BANF2: variants seen among roughly 807,000 people sequenced by gnomAD.
The protein encoded by BANF2 is barrier-to-autointegration factor-like protein.
BANF2 carries 4 observed loss-of-function variants against 8.0 expected under a neutral mutation model. The observed-to-expected ratio is 0.50, with a 90% confidence interval of 0.25 to 1.14. The LOEUF (loss-of-function observed/expected upper bound fraction) is 1.14. Among genes scored for constraint, BANF2 ranks in the 50% most tolerant of loss-of-function variants. BANF2 has a pLI of 0.16. For missense variants in BANF2, 96 were observed against 107.5 expected (o/e 0.89, Z 0.47); for synonymous variants, 50 against 40.6 (o/e 1.23, Z -0.88).
intron 1 of BANF2, among the ~76,000 whole-genome samples, chr20:17,715,408 G>T (rs1007281436): frequency 2.0e-5 from 3 of 152,208 alleles, no homozygotes; most frequent in Admixed American, 2.0e-4. Flanking sequence ...CTGAGGAACT[G>T]TTGAATGTAT....
intron 3 of BANF2, among the ~76,000 whole-genome samples, chr20:17,733,050 C>T (rs1486112467): frequency 6.6e-6 from 1 of 152,138 alleles, no homozygotes; most frequent in South Asian, 2.1e-4. Context: ...GTCAGGTTGC[C>T]ACTTGGCTCC....
chr20:17,723,321 C>T (rs2037758809), intron 2 of BANF2, among the ~76,000 whole-genome samples: 1 of 152,138 alleles, frequency 6.6e-6, no homozygotes, highest in South Asian at 2.1e-4. Flanking sequence ...GAAAAGATAG[C>T]TTTGTGTTTC....
chr20:17,719,763 G>A (rs1340821660), intron 1 of BANF2, among the ~76,000 whole-genome samples: 1 of 151,962 alleles, frequency 6.6e-6, no homozygotes, highest in Non-Finnish European at 1.5e-5. Flanking sequence ...CAAAGCCATT[G>A]GGGTCATAGT....
intron 1 of BANF2, among the ~76,000 whole-genome samples, chr20:17,717,829 G>A (rs6105793): frequency 0.17 from 26,022 of 152,124 alleles, 2,414 homozygotes; most frequent in Middle Eastern, 0.3. Context: ...GAAAAACACT[G>A]ATTTTAAGTA....
At chr20:17,730,379 T>A (rs2037875819) in intron 3 of BANF2, among the ~76,000 whole-genome samples, 1 of 152,172 alleles carries the variant, frequency 6.6e-6, no homozygotes, top group South Asian at 2.1e-4. Flanking sequence ...AAACTGAAGC[T>A]GTGAGGAAGG....
intron 1 of BANF2, among the ~76,000 whole-genome samples, chr20:17,722,241 G>A (rs2122626776): frequency 6.6e-6 from 1 of 152,364 alleles, no homozygotes; most frequent in Non-Finnish European, 1.5e-5. Context: ...TGTGAGAAAA[G>A]CAAACACACA....
At chr20:17,711,331 A>G (rs1338603605) in intron 1 of BANF2, among the ~76,000 whole-genome samples, 1 of 152,256 alleles carries the variant, frequency 6.6e-6, no homozygotes, top group Non-Finnish European at 1.5e-5. Context: ...TTAACTGCAC[A>G]GTGGAGTCAG....
intron 3 of BANF2, among the ~76,000 whole-genome samples, chr20:17,732,546 G>GA (rs1751988113): frequency 6.8e-6 from 1 of 146,280 alleles, no homozygotes; most frequent in African/African-American, 2.8e-5. Context: ...TAGTAGAGAT[G>GA]GGGTTTCACT....
intron 1 of BANF2, among the ~76,000 whole-genome samples, chr20:17,703,213 G>C (rs954226562): frequency 6.6e-6 from 1 of 152,154 alleles, no homozygotes; most frequent in East Asian, 1.9e-4. Context: ...CTACCTAATT[G>C]TGTCCCCAGC....
At chr20:17,734,658 G>A (rs1473979583) in intron 3 of BANF2, among the ~76,000 whole-genome samples, 1 of 152,176 alleles carries the variant, frequency 6.6e-6, no homozygotes, top group Non-Finnish European at 1.5e-5. Context: ...TATGATTGTC[G>A]CTACTTGGGT....
intron 1 of BANF2, among the ~76,000 whole-genome samples, chr20:17,722,311 T>C (rs1030272010): frequency 3.3e-5 from 5 of 152,266 alleles, no homozygotes; most frequent in Non-Finnish European, 7.3e-5. Context: ...AGCAATGTTG[T>C]AGTTTCCATT....
At chr20:17,712,532 T>C (rs1047883316) in intron 1 of BANF2, 61 of 984,054 alleles carry the variant, frequency 6.2e-5, no homozygotes, top group Non-Finnish European at 4.7e-5. Flanking sequence ...CTTCTGGATG[T>C]TTGTTCAGGT....
chr20:17,714,675 AT>A (rs571252309), intron 1 of BANF2, among the ~76,000 whole-genome samples: 13,015 of 149,888 alleles, frequency 0.087, 735 homozygotes, highest in Middle Eastern at 0.2. Context: ...GGAATTCAAA[AT>A]TTTTTTTTTT....
intron 1 of BANF2, among the ~76,000 whole-genome samples, chr20:17,703,288 T>C (rs924297944): frequency 6.6e-6 from 1 of 152,218 alleles, no homozygotes; most frequent in East Asian, 1.9e-4. Context: ...TACTGCCCTA[T>C]CCCTGGATAA....
chr20:17,698,662 A>C (rs1182512709), upstream of BANF2, among the ~76,000 whole-genome samples: 1 of 152,182 alleles, frequency 6.6e-6, no homozygotes, highest in Non-Finnish European at 1.5e-5. Context: ...AAAGCCCCCA[A>C]GCAAAGATAC....
chr20:17,719,211 G>A (rs1032267158), intron 1 of BANF2, among the ~76,000 whole-genome samples: 4 of 152,048 alleles, frequency 2.6e-5, no homozygotes, highest in South Asian at 2.1e-4. Context: ...TGCAACCTCC[G>A]CCTCCCGGGT....
chr20:17,708,204 G>C (rs116148428), intron 1 of BANF2, among the ~76,000 whole-genome samples: 4,141 of 152,080 alleles, frequency 0.027, 198 homozygotes, highest in African/African-American at 0.092. Context: ...TCTAGCCTGG[G>C]TGACAAAGTG....
chr20:17,724,369 C>G (rs573463772), intron 2 of BANF2, among the ~76,000 whole-genome samples: 2 of 152,310 alleles, frequency 1.3e-5, no homozygotes, highest in South Asian at 4.2e-4. Context: ...CAAAAGCCAC[C>G]TTCTCTTCCT....
At chr20:17,725,293 T>C (rs2037791510) in intron 3 of BANF2, 142 bp downstream of exon 3, 2 of 1,057,098 alleles carry the variant, frequency 1.9e-6, no homozygotes, top group East Asian at 2.5e-5. Flanking sequence ...CCACATGCTT[T>C]CGTGCTATTG....
Sources: allele counts gnomAD v4.1 joint callset (sites outside exome capture counted in the v4.1 genomes callset), GRCh38; gene constraint gnomAD v4.1.1; transcripts MANE v1.5; gene names NCBI Gene and HGNC (gene_info 2026-07-23, HGNC 2026-07-21).